UGT1A9: variants seen among roughly 807,000 people sequenced by gnomAD.
UGT1A9 encodes UDP-glucuronosyltransferase 1A9.
In UGT1A9, 35 loss-of-function variants were observed where a neutral mutation model predicts 45.0. The observed-to-expected ratio is 0.78, with a 90% CI of 0.59 to 1.03. The LOEUF is 1.03. UGT1A9 is among the 50% of genes least tolerant of loss of function. The pLI is 0.00. For missense variants in UGT1A9, 687 were observed against 666.6 expected, an observed-to-expected ratio of 1.03 and a Z score of -0.34; for synonymous variants, 278 against 250.6, an observed-to-expected ratio of 1.11 and a Z score of -1.03.
In UGT1A9 at chr2:233,768,427, T is replaced by A; in HGVS notation, c.1283T>A (p.Ile428Asn). ...TTAGAAAATGCTCTAAAAGCAGTCA[T>A]CAATGACAAAAGGTAAGAAAGAAGA... is the stretch of plus-strand genomic sequence containing the variant. ...EDLENALKAV[I>N]NDKSYKENIM... Residue 428 changes from isoleucine (I) to asparagine (N), a missense_variant, in exon 4 of 5, where the codon ATC becomes AAC. Transcript: ENST00000354728. 1 of 1,614,006 alleles carries A rather than the reference T, an allele frequency of 6.2e-7. No individual in the cohort carries two copies. The highest frequency in any genetic ancestry group is 8.5e-7 in the Non-Finnish European group (1 of 1,179,966).
At chr2:233,708,628 G>C (rs985761957) in intron 1 of UGT1A9, 8 of 152,152 alleles carry the variant, frequency 5.3e-5, no homozygotes, top group Non-Finnish European at 1.2e-4. Context: ...GCGTGTGCCT[G>C]TAGACCTAAC....
At chr2:233,717,850 A>G (rs2076611258) in intron 1 of UGT1A9, 2 of 454,974 alleles carry the variant, frequency 4.4e-6, no homozygotes, top group African/African-American at 4.0e-5. Flanking sequence ...TCTTATCAGA[A>G]CTTGGTGCTG....
chr2:233,743,701 C>T (rs13009407), intron 1 of UGT1A9: 1 of 1,367,252 alleles, frequency 7.3e-7, no homozygotes, highest in Admixed American at 1.9e-5. Context: ...CGCCCTCCGC[C>T]CCCGCCTCGC....
At chr2:233,767,361 T>C (rs990880937) in intron 2 of UGT1A9, among the ~76,000 whole-genome samples, 196 bp downstream of exon 2, 19 of 152,222 alleles carry the variant, frequency 1.2e-4, no homozygotes, top group African/African-American at 3.6e-4. Flanking sequence ...TCAAATACTC[T>C]ATTAAACTAT....
intron 1 of UGT1A9, among the ~76,000 whole-genome samples, chr2:233,694,626 C>T (rs2075230787): frequency 6.6e-6 from 1 of 152,172 alleles, no homozygotes; most frequent in Non-Finnish European, 1.5e-5. Context: ...ATCTTTTATG[C>T]CTCAATTTTC....
At chr2:233,677,348 T>C (rs751226951) in intron 1 of UGT1A9, among the ~76,000 whole-genome samples, 21 of 152,102 alleles carry the variant, frequency 1.4e-4, no homozygotes, top group Non-Finnish European at 2.9e-4. Flanking sequence ...CCCTGAACAA[T>C]GTGGGAATGA....
chr2:233,730,014 C>G (rs1187658663), intron 1 of UGT1A9: 2 of 1,613,720 alleles, frequency 1.2e-6, no homozygotes, highest in Non-Finnish European at 1.7e-6. Context: ...GTGCCTTCAT[C>G]CAATCAATGT....
chr2:233,716,785 T>C (rs1675304459), intron 1 of UGT1A9, among the ~76,000 whole-genome samples: 1 of 152,184 alleles, frequency 6.6e-6, no homozygotes, highest in South Asian at 2.1e-4. Context: ...GCTTTCGGGA[T>C]GCCTTTTTCT....
At chr2:233,759,148 C>T (rs958103871) in intron 1 of UGT1A9, among the ~76,000 whole-genome samples, 4 of 152,184 alleles carry the variant, frequency 2.6e-5, no homozygotes, top group African/African-American at 9.7e-5. Context: ...AAGGTGAGTT[C>T]CACAGAACAC....
At chr2:233,694,584 A>G (rs2075227609) in intron 1 of UGT1A9, among the ~76,000 whole-genome samples, 1 of 152,218 alleles carries the variant, frequency 6.6e-6, no homozygotes, top group Non-Finnish European at 1.5e-5. Context: ...GTAAATATTT[A>G]CAACTTTGAA....
chr2:233,746,961 G>C (rs1559391605), intron 1 of UGT1A9, among the ~76,000 whole-genome samples: 1 of 151,802 alleles, frequency 6.6e-6, no homozygotes, highest in Non-Finnish European at 1.5e-5. Flanking sequence ...CTTGAACTTG[G>C]ATGTTCCCCA....
intron 1 of UGT1A9, among the ~76,000 whole-genome samples, chr2:233,707,811 C>T (rs1355415040): frequency 1.3e-5 from 2 of 152,088 alleles, no homozygotes; most frequent in Admixed American, 6.6e-5. Flanking sequence ...CGTTGGAGGG[C>T]GTGCATATCA....
At chr2:233,694,816 T>C (rs1479520532) in intron 1 of UGT1A9, among the ~76,000 whole-genome samples, 1 of 152,198 alleles carries the variant, frequency 6.6e-6, no homozygotes, top group Non-Finnish European at 1.5e-5. Context: ...TTCTGGGGCA[T>C]GAAATAAAAA....
chr2:233,771,764 G>GTCCCTCTCTCCT (rs1188840663), intron 4 of UGT1A9: 1 of 152,544 alleles, frequency 6.6e-6, no homozygotes, highest in East Asian at 1.9e-4. Context: ...TCCTTCCTCC[G>GTCCCTCTCTCCT]TCCCTCTCTC....
intron 1 of UGT1A9, among the ~76,000 whole-genome samples, chr2:233,751,222 C>A (rs1694670649): frequency 6.6e-6 from 1 of 151,992 alleles, no homozygotes; most frequent in African/African-American, 2.4e-5. Context: ...GATTTAATGA[C>A]TGCCCTGCCT....
intron 1 of UGT1A9, chr2:233,761,111 T>G: frequency 1.9e-6 from 3 of 1,614,220 alleles, no homozygotes; most frequent in Non-Finnish European, 2.5e-6. Context: ...ATGGTTTTTG[T>G]TGGTGGAATC....
At chr2:233,767,735 C>A in intron 2 of UGT1A9, 114 bp from the exon 3 acceptor site, 2 of 1,569,354 alleles carry the variant, frequency 1.3e-6, no homozygotes, top group Non-Finnish European at 1.7e-6. Flanking sequence ...GATCCTCCCA[C>A]TCTGTTAAAG....
rs1354491814 is a variant in UGT1A9 at position 233,754,735 on chromosome 2, A to G, written c.856-12299A>G. 4.6e-6 allele frequency: 3 copies of G among 652,332 alleles called. No homozygotes were observed. In the Admixed American group the frequency reaches 7.0e-5, roughly 15 times the overall value. The allele number at this position is 652,332 out of a possible 1,614,324, so 40.4% of individuals were successfully genotyped here. ...AAGCTGCCTGTCCCATCACTACCGT[A>G]GGACATGCAGAAGGAAGAAAGGCCC... On this transcript the variant is annotated intron_variant, in intron 1 of 4. Transcript: ENST00000354728.
At chr2:233,689,319 T>G (rs986837982) in intron 1 of UGT1A9, among the ~76,000 whole-genome samples, 1 of 152,210 alleles carries the variant, frequency 6.6e-6, no homozygotes, top group Non-Finnish European at 1.5e-5. Flanking sequence ...ACCAAACATC[T>G]ACACTGAGAT....
Sources: gnomAD v4.1 joint callset for allele counts (sites outside exome capture counted in the v4.1 genomes callset) on GRCh38, gnomAD v4.1.1 for gene constraint, MANE v1.5 for transcripts, NCBI Gene and HGNC (gene_info 2026-07-23, HGNC 2026-07-21) for gene names.